The following NF1 variants were observed in gnomAD, a reference collection of about 807,000 sequenced individuals.
NF1 encodes the protein neurofibromin.
NF1 carries 122 observed loss-of-function variants against 325.7 expected under a neutral mutation model. The ratio of observed to expected loss-of-function variants is 0.37; its 90% confidence interval spans 0.32 to 0.44. NF1 has a LOEUF of 0.44. Ranked by LOEUF, NF1 falls within the 20% of genes least tolerant of loss-of-function variation. The pLI, the probability that NF1 is intolerant of heterozygous loss-of-function variation, is 1.00. For missense variants in NF1, 2,140 were observed against 3,415.4 expected (o/e 0.63, Z 9.31); for synonymous variants, 1,091 against 1,186.0 (o/e 0.92, Z 1.65).
chr17:31,178,890 A>T (rs150500614), intron 5 of NF1, among the ~76,000 whole-genome samples: 2,730 of 152,226 alleles, frequency 0.018, 83 homozygotes, highest in African/African-American at 0.062. Flanking sequence ...CTACAAAGAG[A>T]CTTAGACTCC....
At chr17:31,096,037 C>T (rs1306878513) in intron 1 of NF1, among the ~76,000 whole-genome samples, 1 of 151,942 alleles carries the variant, frequency 6.6e-6, no homozygotes, top group African/African-American at 2.4e-5. Flanking sequence ...CCCCCATATC[C>T]TGATGACACA....
At chr17:31,212,635 G>A (rs144455583) in intron 12 of NF1, among the ~76,000 whole-genome samples, 6,375 of 152,200 alleles carry the variant, frequency 0.042, 253 homozygotes, top group African/African-American at 0.1. Context: ...GCCTGAACCC[G>A]GGAGGCAGAG....
intron 1 of NF1, among the ~76,000 whole-genome samples, chr17:31,148,339 C>T (rs569686283): frequency 2.5e-4 from 37 of 150,602 alleles, no homozygotes; most frequent in Non-Finnish European, 5.2e-4. Flanking sequence ...TTGGCTTGAC[C>T]GTTATTAGTC....
intron 36 of NF1, among the ~76,000 whole-genome samples, chr17:31,308,439 C>T (rs1036498130): frequency 6.6e-6 from 1 of 152,132 alleles, no homozygotes; most frequent in African/African-American, 2.4e-5. Flanking sequence ...CCACGCCTGG[C>T]CTGTTAAGAT....
At chr17:31,204,418 G>C (rs954029112) in intron 11 of NF1, among the ~76,000 whole-genome samples, 1 of 151,904 alleles carries the variant, frequency 6.6e-6, no homozygotes, top group South Asian at 2.1e-4. Context: ...CTATAAACAT[G>C]GTATTTTCAA....
At chr17:31,197,363 T>G (rs1379823973) in intron 8 of NF1, among the ~76,000 whole-genome samples, 1 of 118,856 alleles carries the variant, frequency 8.4e-6, no homozygotes, top group Non-Finnish European at 1.9e-5. Context: ...TTTTTTTTTT[T>G]GCAAAAAATA....
intron 29 of NF1, among the ~76,000 whole-genome samples, chr17:31,236,859 A>G (rs1403248715): frequency 3.3e-5 from 5 of 152,150 alleles, no homozygotes. Context: ...CCACCATTGT[A>G]ACAATTGTGA....
intron 31 of NF1, among the ~76,000 whole-genome samples, chr17:31,256,391 G>A (rs2067584149): frequency 6.6e-6 from 1 of 152,108 alleles, no homozygotes; most frequent in Admixed American, 6.5e-5. Flanking sequence ...TGCCCGCCTC[G>A]GCCTCCCAGA....
chr17:31,304,639 G>T, intron 36 of NF1: 1 of 1,614,146 alleles, frequency 6.2e-7, no homozygotes, highest in Non-Finnish European at 8.5e-7. Flanking sequence ...TCCAACTGTT[G>T]AACCATCAGC....
At chr17:31,246,892 A>G (rs1217781567) in intron 29 of NF1, among the ~76,000 whole-genome samples, 2 of 152,140 alleles carry the variant, frequency 1.3e-5, no homozygotes, top group Non-Finnish European at 2.9e-5. Flanking sequence ...TAGAGGTGGT[A>G]CTGATAAGAG....
At chr17:31,199,190 T>C (rs1197868384) in intron 8 of NF1, among the ~76,000 whole-genome samples, 4 of 152,188 alleles carry the variant, frequency 2.6e-5, no homozygotes, top group Admixed American at 6.5e-5. Flanking sequence ...ATGAGAACTT[T>C]CTTATTTTTT....
At chr17:31,363,436 C>CTTTT (rs5819928) in intron 57 of NF1, among the ~76,000 whole-genome samples, 4 of 112,460 alleles carry the variant, frequency 3.6e-5, no homozygotes, top group African/African-American at 9.4e-5. Flanking sequence ...TTATCTCTCT[C>CTTTT]TTTTTTTTTT....
At chr17:31,150,302 T>G (rs1219056859) in intron 1 of NF1, among the ~76,000 whole-genome samples, 2 of 152,164 alleles carry the variant, frequency 1.3e-5, no homozygotes, top group Admixed American at 1.3e-4. Context: ...CAAATTACCC[T>G]TTAGACCAAC....
chr17:31,169,456 T>A (rs1438073321), intron 4 of NF1, among the ~76,000 whole-genome samples: 1 of 152,226 alleles, frequency 6.6e-6, no homozygotes, highest in Non-Finnish European at 1.5e-5. Flanking sequence ...ATTTATTGCC[T>A]TATTTTTATA....
intron 36 of NF1, chr17:31,319,001 T>C (rs1756788692): frequency 6.2e-7 from 1 of 1,604,164 alleles, no homozygotes; most frequent in South Asian, 1.1e-5. Flanking sequence ...GTGTGTTCCA[T>C]GTCCGTGGGC....
At chr17:31,227,361 T>C (rs2067034129) in intron 19 of NF1, 70 bp downstream of exon 19, 2 of 1,530,728 alleles carry the variant, frequency 1.3e-6, no homozygotes, top group Non-Finnish European at 1.8e-6. Context: ...TTGTTACATA[T>C]GTGTGATCAG....
At chr17:31,196,344 A>T (rs747887869) in intron 8 of NF1, among the ~76,000 whole-genome samples, 9 of 151,658 alleles carry the variant, frequency 5.9e-5, no homozygotes, top group Non-Finnish European at 1.0e-4. Flanking sequence ...ATCTATTTTC[A>T]GTTTTTAAAA....
chr17:31,165,403 T>TA (rs2065828440), intron 4 of NF1, among the ~76,000 whole-genome samples: 2 of 152,180 alleles, frequency 1.3e-5, no homozygotes, highest in Non-Finnish European at 2.9e-5. Context: ...GAGCTGATCT[T>TA]ACTGAAGGAT....
Position 31,337,593 on chromosome 17 carries a change from C to G in NF1, c.6642+11C>G, listed in dbSNP as rs375446476. On this transcript the variant is annotated intron_variant, in intron 43 of 57. Coordinates refer to ENST00000358273, the MANE Select transcript of NF1 (RefSeq NM_001042492.3). ...TTGGAGATCATGGAGGTATAGAAGC[C>G]AAAATGATAAGAAACTAAGTTAAAA... The G allele has an allele frequency of 2.5e-6, 4 of 1,609,064 alleles. No homozygotes were observed. Among genetic ancestry groups the G allele is most frequent in the Non-Finnish European group, 3.4e-6 (4 of 1,176,766 alleles).
Sources: gnomAD v4.1 joint callset for allele counts (sites outside exome capture counted in the v4.1 genomes callset) on GRCh38, gnomAD v4.1.1 for gene constraint, MANE v1.5 for transcripts, NCBI Gene and HGNC (gene_info 2026-07-23, HGNC 2026-07-21) for gene names.